Variants in NOS1 observed in about 807,000 individuals in gnomAD.
NOS1 encodes NOS type I.
A neutral mutation model predicts 164.5 loss-of-function variants in NOS1; 51 were observed. That is an observed-to-expected ratio of 0.31 (90% CI 0.25 to 0.39). NOS1 has a LOEUF of 0.39. Among genes scored for constraint, NOS1 ranks in the 10% least tolerant of loss-of-function variants. The probability of loss-of-function intolerance (pLI) is 1.00; values close to 1 mark genes in which losing one functional copy is unlikely to be tolerated. For missense variants in NOS1, 1,362 were observed against 1,885.6 expected (o/e 0.72, Z 5.14); for synonymous variants, 719 against 745.8 (o/e 0.96, Z 0.59).
chr12:117,213,517 A>G lies in NOS1; in HGVS notation c.*1792T>C, dbSNP rs1443320637. Reference sequence around the variant, plus strand: ...ACCGGTGGGGGCTGCCAGGGATGGCAGAGCAAGGTGAGTCATAGATTGCCT... The same window carrying G: ...ACCGGTGGGGGCTGCCAGGGATGGCGGAGCAAGGTGAGTCATAGATTGCCT... On this transcript the variant is annotated 3_prime_UTR_variant, in exon 29 of 29. Coordinates refer to ENST00000317775, the MANE Select transcript of NOS1 (RefSeq NM_000620.5). 1.2e-5 allele frequency: 12 copies of G among 985,360 alleles called. No homozygotes were observed. In the African/African-American group the frequency reaches 1.7e-4, roughly 14 times the overall value. 61.0% of individuals were successfully genotyped at this position (985,360 alleles called of 1,614,324 possible).
In NOS1 at chr12:117,212,966, TAAAA is replaced by T; in HGVS notation, c.*2339_*2342del. On this transcript the variant is annotated 3_prime_UTR_variant, in exon 29 of 29. Transcript: ENST00000317775. ...TGTTGGGGATTGAAAGGTGTTTACT[TAAAA>T]AAAAATCTTTCTGGAGAAGAAGGAT... is the stretch of plus-strand genomic sequence containing the variant. 1 of 983,786 alleles carries T rather than the reference TAAAA, an allele frequency of 1.0e-6. No homozygotes were observed. The highest frequency in any genetic ancestry group is 1.7e-5 in the African/African-American group (1 of 57,182). 60.9% of individuals were successfully genotyped at this position (983,786 alleles called of 1,614,324 possible). A position where few individuals can be genotyped will look rare whatever the true frequency, so the allele number is the denominator to read the frequency against.
chr12:117,286,092 T>C lies in NOS1; in HGVS notation c.1290+12A>G. ...TTAAGGGCTCTTCAAGGTATCTGAC[T>C]TCACCACCTACCTGCAGCTTGGACC... is the stretch of plus-strand genomic sequence containing the variant. On this transcript the variant is annotated intron_variant, in intron 6 of 28. Transcript: ENST00000317775. 1 of 1,614,062 alleles carries C rather than the reference T, an allele frequency of 6.2e-7. No homozygotes were observed. The highest frequency in any genetic ancestry group is 8.5e-7 in the Non-Finnish European group (1 of 1,179,942).
At position 117,213,494 on chromosome 12, in the gene NOS1, C is replaced by T. The variant is rs544985427; in HGVS notation, c.*1815G>A. On this transcript the variant is annotated 3_prime_UTR_variant, in exon 29 of 29. Transcript: ENST00000317775. ...GCTCCATGTGGCAGGAACAGGACAC[C>T]GGTGGGGGCTGCCAGGGATGGCAGA... is the stretch of plus-strand genomic sequence containing the variant. 808 of 985,334 alleles carry T rather than the reference C, an allele frequency of 8.2e-4. 5 individuals carry two copies. Among genetic ancestry groups the T allele is most frequent in the Middle Eastern group, 5.2e-3 (10 of 1,914 alleles). 61.0% of individuals were successfully genotyped at this position (985,334 alleles called of 1,614,324 possible).
intron 1 of NOS1, among the ~76,000 whole-genome samples, chr12:117,350,602 T>C (rs563245072): frequency 2.8e-4 from 43 of 152,352 alleles, no homozygotes; most frequent in African/African-American, 9.4e-4. Context: ...CACACCAGCA[T>C]GTCCTGGATC....
At chr12:117,342,245 AT>A (rs1350728833) in intron 1 of NOS1, among the ~76,000 whole-genome samples, 1 of 152,090 alleles carries the variant, frequency 6.6e-6, no homozygotes, top group Non-Finnish European at 1.5e-5. Context: ...TGGAGCTTGC[AT>A]TGGGATTACA....
chr12:117,219,308 T>G (rs566550085), intron 27 of NOS1, among the ~76,000 whole-genome samples: 23 of 131,112 alleles, frequency 1.8e-4, no homozygotes, highest in African/African-American at 4.5e-4. Context: ...GTTTTGTTTT[T>G]TTTGTTTTTG....
intron 25 of NOS1, among the ~76,000 whole-genome samples, chr12:117,224,258 T>C (rs1418016881): frequency 6.6e-6 from 1 of 152,186 alleles, no homozygotes; most frequent in African/African-American, 2.4e-5. Context: ...CATTAGGTGC[T>C]CAATAAATCC....
Position 117,220,151 on chromosome 12 carries a change from T to C in NOS1, c.4094A>G (p.Lys1365Arg), listed in dbSNP as rs370228558. The change falls in exon 27 of 29, where the codon AAA becomes AGA. Residue 1365 changes from lysine (K) to arginine (R), a missense_variant. By Grantham distance (26) the Lys-to-Arg change is conservative. Coordinates refer to ENST00000317775, the MANE Select transcript of NOS1 (RefSeq NM_000620.5). ...CTGGGTCATGATGCGCTGGATGGCTTTGAGGACATCAGCAGCCATGGTGAC... is the reference window on the plus strand; with the variant it reads ...CTGGGTCATGATGCGCTGGATGGCTCTGAGGACATCAGCAGCCATGGTGAC... Reference protein sequence around the residue: ...GDVTMAADVLKAIQRIMTQQG... With the variant: ...GDVTMAADVLRAIQRIMTQQG... 3.1e-6 allele frequency: 5 copies of C among 1,613,874 alleles called. No individual in the cohort carries two copies. Among genetic ancestry groups the C allele is most frequent in the African/African-American group, 2.7e-5 (2 of 74,924 alleles).
chr12:117,208,432 G>A lies in NOS1; in HGVS notation c.*6877C>T. The A allele has an allele frequency of 7.8e-7, 1 of 1,283,078 alleles. No individual in the cohort carries two copies. Among genetic ancestry groups the A allele is most frequent in the South Asian group, 1.2e-5 (1 of 80,022 alleles). 79.5% of individuals were successfully genotyped at this position (1,283,078 alleles called of 1,614,324 possible). ...TGTGTGTGTGTGTGTGGTGAGATGCGACCAGGTCTGCCCACCTCCCCAGCT... is the reference window on the plus strand; with the variant it reads ...TGTGTGTGTGTGTGTGGTGAGATGCAACCAGGTCTGCCCACCTCCCCAGCT... On this transcript the variant is annotated 3_prime_UTR_variant, in exon 29 of 29. Transcript: ENST00000317775.
chr12:117,257,178 A>G (rs560177904), intron 16 of NOS1, among the ~76,000 whole-genome samples: 4 of 152,172 alleles, frequency 2.6e-5, no homozygotes, highest in Non-Finnish European at 5.9e-5. Context: ...CAAGCCCCTG[A>G]GCTCAAGTGA....
At chr12:117,353,663 A>G (rs1426040839) in intron 1 of NOS1, among the ~76,000 whole-genome samples, 1 of 152,212 alleles carries the variant, frequency 6.6e-6, no homozygotes, top group Non-Finnish European at 1.5e-5. Context: ...GGGTTTTAGC[A>G]TCATGTAGGC....
In NOS1 at chr12:117,211,833, G is replaced by C; in HGVS notation, c.*3476C>G. 5.1e-6 allele frequency: 5 copies of C among 973,654 alleles called. No individual in the cohort carries two copies. The highest frequency in any genetic ancestry group is 6.1e-6 in the Non-Finnish European group (5 of 819,328). The allele number at this position is 973,654 out of a possible 1,614,324, so 60.3% of individuals were successfully genotyped here. A position where few individuals can be genotyped will look rare whatever the true frequency, so the allele number is the denominator to read the frequency against. ...GTAATCCAGCACTTTGGGAGGCTGA[G>C]GTGCGTGGATCATTTGAGGTCAGGA... is the stretch of plus-strand genomic sequence containing the variant. On this transcript the variant is annotated 3_prime_UTR_variant, in exon 29 of 29. Coordinates refer to ENST00000317775, the MANE Select transcript of NOS1 (RefSeq NM_000620.5).
At chr12:117,340,076 C>T (rs1026475295) in intron 1 of NOS1, among the ~76,000 whole-genome samples, 70 of 152,262 alleles carry the variant, frequency 4.6e-4, no homozygotes, top group African/African-American at 1.7e-3. Flanking sequence ...GTAATAACAG[C>T]TAACTGCAAC....
chr12:117,279,557 A>C (rs1873462766), intron 8 of NOS1, among the ~76,000 whole-genome samples: 2 of 152,200 alleles, frequency 1.3e-5, no homozygotes, highest in South Asian at 4.1e-4. Flanking sequence ...AGAGGGTTTC[A>C]AAAGGTAAAA....
intron 20 of NOS1, among the ~76,000 whole-genome samples, chr12:117,241,031 C>A (rs1870130383): frequency 6.6e-6 from 1 of 151,790 alleles, no homozygotes; most frequent in Non-Finnish European, 1.5e-5. Flanking sequence ...CCTCCGCCTC[C>A]TGGGTTCCAG....
intron 7 of NOS1, among the ~76,000 whole-genome samples, chr12:117,282,818 G>A (rs960429010): frequency 6.6e-6 from 1 of 152,104 alleles, no homozygotes; most frequent in Non-Finnish European, 1.5e-5. Context: ...TGTGTAATGT[G>A]TATATTTTAA....
chr12:117,226,585 T>C, intron 24 of NOS1, 98 bp downstream of exon 24: 2 of 991,198 alleles, frequency 2.0e-6, no homozygotes, highest in South Asian at 1.4e-5. Flanking sequence ...CACCCAGCCA[T>C]CTCTCTAGAA....
intron 1 of NOS1, 56 bp from the exon 2 acceptor site, chr12:117,331,545 G>C (rs980029800): frequency 3.2e-5 from 5 of 156,056 alleles, no homozygotes; most frequent in African/African-American, 1.2e-4. Context: ...GATTGAAGTA[G>C]AGTGCCCAAC....
At chr12:117,232,432 C>T (rs780243483) in intron 21 of NOS1, among the ~76,000 whole-genome samples, 7 of 152,154 alleles carry the variant, frequency 4.6e-5, no homozygotes, top group East Asian at 1.9e-4. Flanking sequence ...CCCAGCTGTG[C>T]GTGACAGAGA....
Sources: gnomAD v4.1 joint callset for allele counts (sites outside exome capture counted in the v4.1 genomes callset) on GRCh38, gnomAD v4.1.1 for gene constraint, MANE v1.5 for transcripts, NCBI Gene and HGNC (gene_info 2026-07-23, HGNC 2026-07-21) for gene names.